Variants in OR2L13 observed in about 807,000 individuals in gnomAD.
OR2L13 encodes the protein olfactory receptor family 2 subfamily L member 13.
OR2L13 carries 14 observed loss-of-function variants against 15.3 expected under a neutral mutation model. That is an observed-to-expected ratio of 0.91 (90% CI 0.60 to 1.43). The LOEUF (loss-of-function observed/expected upper bound fraction) is 1.43, where lower values mean the gene tolerates loss of function less well. Among genes scored for constraint, OR2L13 ranks in the 40% most tolerant of loss-of-function variants. The probability of loss-of-function intolerance (pLI) is 0.00; values close to 1 mark genes in which losing one functional copy is unlikely to be tolerated. For synonymous variants in OR2L13, 152 were observed against 142.9 expected (o/e 1.06, Z -0.45); for missense variants, 367 against 387.9 (o/e 0.95, Z 0.45).
At chr1:248,004,011 A>G in the OR2L13 span, 14 of 1,613,728 alleles carry the variant, frequency 8.7e-6, no homozygotes, top group East Asian at 4.5e-5. Flanking sequence ...CTGAGGAACA[A>G]GGAGGTGATG....
At chr1:248,027,232 A>C in the OR2L13 span, among the ~76,000 whole-genome samples, 6 of 152,172 alleles carry the variant, frequency 3.9e-5, no homozygotes, top group East Asian at 1.2e-3. Context: ...GCTTATTAGG[A>C]CAAGGAAATT....
chr1:247,958,583 C>G, the OR2L13 span, among the ~76,000 whole-genome samples: 1 of 152,116 alleles, frequency 6.6e-6, no homozygotes. Flanking sequence ...GTCTAAGTCT[C>G]TTTGTAGGTC....
the OR2L13 span, among the ~76,000 whole-genome samples, chr1:247,981,964 C>T: frequency 2.6e-5 from 4 of 151,878 alleles, no homozygotes; most frequent in Admixed American, 6.6e-5. Context: ...TGCAGGCTCC[C>T]GCCACCACGC....
chr1:248,056,452 C>T, the OR2L13 span, among the ~76,000 whole-genome samples: 4 of 152,002 alleles, frequency 2.6e-5, 1 homozygote, highest in Middle Eastern at 6.8e-3. Context: ...GTTAGGGTGT[C>T]GATGTGAGAT....
chr1:248,026,477 G>C, the OR2L13 span, among the ~76,000 whole-genome samples: 1 of 152,218 alleles, frequency 6.6e-6, no homozygotes, highest in Non-Finnish European at 1.5e-5. Context: ...TGATTATGTT[G>C]CTATGATTGT....
At chr1:247,973,979 G>A in the OR2L13 span, among the ~76,000 whole-genome samples, 62 of 152,236 alleles carry the variant, frequency 4.1e-4, no homozygotes, top group African/African-American at 1.2e-3. Context: ...ACAGACACAC[G>A]TATGTTTATA....
At chr1:248,078,920 C>T in the OR2L13 span, among the ~76,000 whole-genome samples, 2 of 151,988 alleles carry the variant, frequency 1.3e-5, no homozygotes, top group African/African-American at 2.4e-5. Context: ...TGTATCTATG[C>T]GATGAAATTA....
the OR2L13 span, among the ~76,000 whole-genome samples, chr1:248,069,787 A>G: frequency 3.9e-5 from 6 of 152,186 alleles, no homozygotes; most frequent in Non-Finnish European, 7.3e-5. Context: ...AAGATCTACC[A>G]GGGAAATGGA....
At chr1:247,953,450 A>G in the OR2L13 span, among the ~76,000 whole-genome samples, 2 of 152,128 alleles carry the variant, frequency 1.3e-5, no homozygotes, top group Admixed American at 6.6e-5. Context: ...GCAAAATTTG[A>G]TTTATGGAAA....
the OR2L13 span, among the ~76,000 whole-genome samples, chr1:248,048,139 T>C: frequency 6.6e-6 from 1 of 152,192 alleles, no homozygotes; most frequent in African/African-American, 2.4e-5. Flanking sequence ...GAAATGTCTG[T>C]CTGCCCACTT....
the OR2L13 span, among the ~76,000 whole-genome samples, chr1:248,006,013 C>T: frequency 1.3e-5 from 2 of 152,108 alleles, no homozygotes; most frequent in South Asian, 2.1e-4. Context: ...CAGTCAGATA[C>T]GTCATATTCC....
the OR2L13 span, among the ~76,000 whole-genome samples, chr1:247,964,374 C>T: frequency 2.2e-4 from 34 of 152,100 alleles, no homozygotes; most frequent in African/African-American, 7.7e-4. Context: ...GATTATATAC[C>T]CAGGAACTGC....
At chr1:248,062,605 C>T in the OR2L13 span, 1 of 151,936 alleles carries the variant, frequency 6.6e-6, no homozygotes, top group Non-Finnish European at 1.5e-5. Flanking sequence ...GTGGGGATGG[C>T]TAATAGTTGC....
chr1:247,981,909 G>A, the OR2L13 span, among the ~76,000 whole-genome samples: 1 of 151,222 alleles, frequency 6.6e-6, no homozygotes, highest in Non-Finnish European at 1.5e-5. Flanking sequence ...TCCGCCTCCC[G>A]GGTTCACGCC....
chr1:248,078,979 G>A, the OR2L13 span, among the ~76,000 whole-genome samples: 1 of 152,088 alleles, frequency 6.6e-6, no homozygotes, highest in Non-Finnish European at 1.5e-5. Flanking sequence ...GAGGTTTGGG[G>A]AGAAGATGTG....
chr1:248,098,213 T>C (rs1664776347), intron 1 of OR2L13, among the ~76,000 whole-genome samples: 1 of 152,232 alleles, frequency 6.6e-6, no homozygotes, highest in South Asian at 2.1e-4. Flanking sequence ...GGTCTATTGT[T>C]TGTATAATTA....
At chr1:248,013,368 C>T in the OR2L13 span, among the ~76,000 whole-genome samples, 2 of 152,188 alleles carry the variant, frequency 1.3e-5, no homozygotes, top group Middle Eastern at 3.4e-3. Context: ...CTGAGTTTCC[C>T]CTTGACATGC....
the OR2L13 span, among the ~76,000 whole-genome samples, chr1:247,976,494 T>C: frequency 6.6e-6 from 1 of 152,152 alleles, no homozygotes; most frequent in Non-Finnish European, 1.5e-5. Flanking sequence ...AGAGAATGGG[T>C]TTTAAGTCCT....
the OR2L13 span, among the ~76,000 whole-genome samples, chr1:248,065,163 T>C: frequency 1.3e-5 from 2 of 152,216 alleles, no homozygotes; most frequent in Non-Finnish European, 2.9e-5. Flanking sequence ...TCACTGTTCA[T>C]TGTGCCTCGT....
Sources: allele counts gnomAD v4.1 joint callset (sites outside exome capture counted in the v4.1 genomes callset), GRCh38; gene constraint gnomAD v4.1.1; transcripts MANE v1.5; gene names NCBI Gene and HGNC (gene_info 2026-07-23, HGNC 2026-07-21).